PTPRM: variants seen among roughly 807,000 people sequenced by gnomAD.
PTPRM encodes the protein protein tyrosine phosphatase receptor type M, also known as receptor-type tyrosine-protein phosphatase mu.
In PTPRM, 47 loss-of-function variants were observed where a neutral mutation model predicts 186.7. The observed-to-expected ratio is 0.25, with a 90% CI of 0.20 to 0.32. The LOEUF (loss-of-function observed/expected upper bound fraction) is 0.32. PTPRM is among the 10% of genes least tolerant of loss of function. The pLI is 1.00. For missense variants in PTPRM, 1,494 were observed against 1,865.0 expected (o/e 0.80, Z 3.66); for synonymous variants, 668 against 674.9 (o/e 0.99, Z 0.16).
At chr18:8,054,304 T>A (rs867564075) in intron 7 of PTPRM, among the ~76,000 whole-genome samples, 1,955 of 143,306 alleles carry the variant, frequency 0.014, 142 homozygotes, top group African/African-American at 0.049. Flanking sequence ...TAGTAATATA[T>A]ATATATATAT....
At chr18:7,783,750 G>A (rs1016588802) in intron 2 of PTPRM, among the ~76,000 whole-genome samples, 1 of 136,252 alleles carries the variant, frequency 7.3e-6, no homozygotes, top group African/African-American at 2.9e-5. Context: ...TTTTAATTTT[G>A]TGTGTGTGTG....
intron 7 of PTPRM, among the ~76,000 whole-genome samples, chr18:7,994,927 A>G (rs1207539536): frequency 6.6e-6 from 1 of 152,122 alleles, no homozygotes; most frequent in Non-Finnish European, 1.5e-5. Context: ...AGCAAGAACA[A>G]ACCAAATAAA....
At chr18:8,050,214 G>T (rs565798557) in intron 7 of PTPRM, among the ~76,000 whole-genome samples, 1 of 152,270 alleles carries the variant, frequency 6.6e-6, no homozygotes, top group African/African-American at 2.4e-5. Context: ...TTGCTTGACT[G>T]GTATGGAAAG....
chr18:8,013,368 GATAAC>G (rs762779908), intron 7 of PTPRM, among the ~76,000 whole-genome samples: 2 of 152,110 alleles, frequency 1.3e-5, no homozygotes, highest in African/African-American at 2.4e-5. Flanking sequence ...AAGCCTTACT[GATAAC>G]ATAAACCATC....
At chr18:7,596,577 A>T (rs374587779) in intron 1 of PTPRM, among the ~76,000 whole-genome samples, 2 of 152,154 alleles carry the variant, frequency 1.3e-5, no homozygotes, top group African/African-American at 4.8e-5. Flanking sequence ...ACTGCGCCTA[A>T]TTTATAAACT....
At chr18:8,220,241 G>T (rs564791725) in intron 14 of PTPRM, among the ~76,000 whole-genome samples, 38 of 152,334 alleles carry the variant, frequency 2.5e-4, no homozygotes, top group African/African-American at 7.9e-4. Flanking sequence ...TGGAAACTAT[G>T]AGTGATGACT....
chr18:8,248,092 T>C, intron 16 of PTPRM, 58 bp from the exon 17 acceptor site: 2 of 1,486,890 alleles, frequency 1.3e-6, no homozygotes, highest in Admixed American at 1.7e-5. Context: ...TCATCAATCA[T>C]TTACTGTTCT....
chr18:7,676,012 C>T (rs1345982858), intron 1 of PTPRM, among the ~76,000 whole-genome samples: 3 of 152,120 alleles, frequency 2.0e-5, no homozygotes, highest in Admixed American at 2.0e-4. Context: ...GCTCGGATTA[C>T]AGGTGTGAGC....
At chr18:7,960,474 T>TACACAC (rs1299278137) in intron 7 of PTPRM, among the ~76,000 whole-genome samples, 6 of 111,296 alleles carry the variant, frequency 5.4e-5, no homozygotes, top group African/African-American at 2.4e-4. Context: ...TATATATATA[T>TACACAC]ATATATACAC....
At chr18:8,083,335 G>T (rs1469723394) in intron 9 of PTPRM, among the ~76,000 whole-genome samples, 1 of 152,112 alleles carries the variant, frequency 6.6e-6, no homozygotes, top group Admixed American at 6.5e-5. Context: ...AGCCCCCAAG[G>T]AACCACACCG....
chr18:7,917,488 C>A (rs1405346803), intron 4 of PTPRM, among the ~76,000 whole-genome samples: 9 of 152,044 alleles, frequency 5.9e-5, no homozygotes, highest in Admixed American at 4.6e-4. Flanking sequence ...GTGAGCCCAG[C>A]TCGCGCCACT....
chr18:7,591,960 G>C (rs1352238286), intron 1 of PTPRM, among the ~76,000 whole-genome samples: 3 of 152,072 alleles, frequency 2.0e-5, no homozygotes, highest in Non-Finnish European at 4.4e-5. Flanking sequence ...GTGTCCCGTT[G>C]CTTATTCCTG....
At chr18:8,303,452 G>C (rs1240565063) in intron 20 of PTPRM, among the ~76,000 whole-genome samples, 1 of 152,152 alleles carries the variant, frequency 6.6e-6, no homozygotes, top group Non-Finnish European at 1.5e-5. Context: ...GCTTCTCTCT[G>C]CTAATTGAGT....
At chr18:7,685,695 A>G (rs2039585759) in intron 1 of PTPRM, among the ~76,000 whole-genome samples, 1 of 152,174 alleles carries the variant, frequency 6.6e-6, no homozygotes, top group African/African-American at 2.4e-5. Context: ...AACCATTAGA[A>G]GTAGTTTTCC....
At chr18:8,145,317 AT>A (rs1041644203) in intron 14 of PTPRM, among the ~76,000 whole-genome samples, 11 of 151,852 alleles carry the variant, frequency 7.2e-5, no homozygotes, top group East Asian at 5.8e-4. Flanking sequence ...AGCTTTGCAC[AT>A]TTTTTTTCTT....
chr18:7,734,223 C>A (rs1048080155), intron 1 of PTPRM, among the ~76,000 whole-genome samples: 1 of 152,116 alleles, frequency 6.6e-6, no homozygotes, highest in African/African-American at 2.4e-5. Context: ...AGATCAAGCA[C>A]CCCAAATCTG....
intron 21 of PTPRM, among the ~76,000 whole-genome samples, chr18:8,318,265 T>C (rs1260745743): frequency 6.7e-6 from 1 of 148,876 alleles, no homozygotes; most frequent in Non-Finnish European, 1.5e-5. Context: ...ATACTTATCC[T>C]ACAATTTTTT....
At chr18:8,283,817 C>A (rs2094928587) in intron 19 of PTPRM, among the ~76,000 whole-genome samples, 1 of 151,632 alleles carries the variant, frequency 6.6e-6, no homozygotes, top group African/African-American at 2.4e-5. Flanking sequence ...GAGGTGGGGT[C>A]TCGCTATGTT....
At chr18:8,254,505 T>G (rs2094556587) in intron 19 of PTPRM, among the ~76,000 whole-genome samples, 1 of 152,214 alleles carries the variant, frequency 6.6e-6, no homozygotes, top group Admixed American at 6.5e-5. Flanking sequence ...AAAAATAGGA[T>G]TATGTAGACA....
Sources: allele counts gnomAD v4.1 joint callset (sites outside exome capture counted in the v4.1 genomes callset), GRCh38; gene constraint gnomAD v4.1.1; transcripts MANE v1.5; gene names NCBI Gene and HGNC (gene_info 2026-07-23, HGNC 2026-07-21).